The following NCOR2 variants were observed in gnomAD, a reference collection of about 807,000 sequenced individuals.
NCOR2 encodes the protein CTG repeat protein 26.
NCOR2 carries 81 observed loss-of-function variants against 262.9 expected under a neutral mutation model. The observed-to-expected ratio is 0.31, with a 90% confidence interval of 0.26 to 0.37. The LOEUF (loss-of-function observed/expected upper bound fraction) is 0.37. Among genes scored for constraint, NCOR2 ranks in the 10% least tolerant of loss-of-function variants. The pLI, the probability that NCOR2 is intolerant of heterozygous loss-of-function variation, is 1.00. For synonymous variants in NCOR2, 1,659 were observed against 1,559.3 expected (o/e 1.06, Z -1.51); for missense variants, 3,385 against 3,621.4 (o/e 0.93, Z 1.68).
rs2044764056 is a variant in NCOR2, at chr12:124,440,884, A to G, written c.816-2888T>C. Among the ~76,000 whole-genome samples, 1 of 152,202 alleles carries G rather than the reference A, an allele frequency of 6.6e-6. No individual in the cohort carries two copies. Among genetic ancestry groups the G allele is most frequent in the South Asian group, 2.1e-4 (1 of 4,826 alleles). ...GAAGATCCAGAAGGAAGGGAACTCC[A>G]GCTGGAGGGCACCGCAGGAGACAGG... On this transcript the variant is annotated intron_variant, in intron 7 of 46. Transcript: ENST00000405201. This position sits in a 1 kb window ranked among gnomAD's most constrained non-coding sequence, Gnocchi z 5.7.
In NCOR2 at chr12:124,468,654, ACCCTCATCCTTATCACCC is replaced by A. The variant is rs1321650044; in HGVS notation, c.592-2386_592-2369del. The stretch of plus-strand genomic sequence containing the variant: ...CACCCTCTTCACCCTCATCCTCATC[ACCCTCATCCTTATCACCC>A]CCCTCATCCTCATCACCCCCCTCAT... On this transcript the variant is annotated intron_variant, in intron 4 of 46. Transcript: ENST00000405201. 1.8e-3 allele frequency among the ~76,000 whole-genome samples: 37 copies of A among 20,494 alleles called. 8 individuals are homozygous for A. Among genetic ancestry groups the A allele is most frequent in the Non-Finnish European group, 2.8e-3 (32 of 11,242 alleles). The allele number at this position is 20,494 out of a possible 152,430, so 13.4% of individuals were successfully genotyped here.
At chr12:124,487,579 G>A (rs1262180018) in intron 1 of NCOR2, among the ~76,000 whole-genome samples, 1 of 152,170 alleles carries the variant, frequency 6.6e-6, no homozygotes, top group African/African-American at 2.4e-5. Context: ...ACCCTCAAGC[G>A]CTCCTCTTAG....
intron 1 of NCOR2, among the ~76,000 whole-genome samples, chr12:124,512,778 G>A (rs1056845723): frequency 7.9e-5 from 12 of 152,216 alleles, no homozygotes; most frequent in Non-Finnish European, 8.8e-5. Context: ...CTTTCCGAGT[G>A]GCCCCAACAC....
chr12:124,540,018 A>C (rs974572149), upstream of NCOR2, among the ~76,000 whole-genome samples: 4 of 152,046 alleles, frequency 2.6e-5, no homozygotes, highest in Non-Finnish European at 4.4e-5. Flanking sequence ...TCAGCTGCTC[A>C]ACAAACAGAG....
At chr12:124,477,164 A>G (rs1347997446) in intron 3 of NCOR2, among the ~76,000 whole-genome samples, 1 of 152,206 alleles carries the variant, frequency 6.6e-6, no homozygotes, top group Non-Finnish European at 1.5e-5. Flanking sequence ...TGTAGTTCCC[A>G]TAATTCCCAC....
At chr12:124,402,448 CTCCTTCTCCGCCTCCTTT>C in exon 14 of NCOR2, 1 of 1,613,760 alleles carries the variant, frequency 6.2e-7, no homozygotes, top group Non-Finnish European at 8.5e-7. Context: ...GCTTCTCCTC[CTCCTTCTCCGCCTCCTTT>C]TCCTTCTCCT....
exon 20 of NCOR2, chr12:124,372,296 G>T (rs1465740220): frequency 1.3e-6 from 2 of 1,537,402 alleles, no homozygotes; most frequent in South Asian, 1.3e-5. Context: ...GCCGCGGGGG[G>T]CTTCTGCTCC....
At chr12:124,386,359 C>A (rs1348917963) in intron 16 of NCOR2, among the ~76,000 whole-genome samples, 1 of 152,012 alleles carries the variant, frequency 6.6e-6, no homozygotes, top group Non-Finnish European at 1.5e-5. Context: ...TTTCCGGCCA[C>A]ACCGGCCCAG....
rs752073140 is a variant in NCOR2 at position 124,334,417 on chromosome 12, C to T, written c.6605+7G>A. On this transcript the variant is annotated splice_region_variant and intron_variant, in intron 41 of 46. Transcript: ENST00000405201. Reference sequence around the variant, plus strand: ...ACCAGCAAGAGGCACCCCCATCCCTCGCTCACCTCTTGCCCCCTTCGCTGT... The same window carrying T: ...ACCAGCAAGAGGCACCCCCATCCCTTGCTCACCTCTTGCCCCCTTCGCTGT... 1.2e-5 allele frequency: 18 copies of T among 1,523,422 alleles called. No individual in the cohort carries two copies. Among genetic ancestry groups the T allele is most frequent in the East Asian group, 8.0e-5 (3 of 37,338 alleles). The allele number at this position is 1,523,422 out of a possible 1,614,324, so 94.4% of individuals were successfully genotyped here.
At chr12:124,423,193 T>C (rs1376328201) in intron 11 of NCOR2, among the ~76,000 whole-genome samples, 1 of 151,740 alleles carries the variant, frequency 6.6e-6, no homozygotes, top group Non-Finnish European at 1.5e-5. Context: ...CAGGCTGAAA[T>C]GTGAGGGCCA....
At chr12:124,431,660 A>G (rs2043946238) in intron 8 of NCOR2, among the ~76,000 whole-genome samples, 5 of 151,136 alleles carry the variant, frequency 3.3e-5, no homozygotes, top group Non-Finnish European at 7.4e-5. Context: ...GGCACACACA[A>G]GTCACACAGG....
chr12:124,416,576 G>T (rs970700963), intron 13 of NCOR2, among the ~76,000 whole-genome samples: 1 of 142,178 alleles, frequency 7.0e-6, no homozygotes, highest in Admixed American at 7.0e-5. Flanking sequence ...TAGACCCCGC[G>T]GCACAGGGAG....
chr12:124,340,180 C>CTGCTGCCGT (rs763792604), exon 37 of NCOR2: 2 of 1,607,126 alleles, frequency 1.2e-6, no homozygotes. Flanking sequence ...ACCCCCGCCG[C>CTGCTGCCGT]TGCTGCCGCT....
chr12:124,403,460 G>A (rs2042094340), intron 13 of NCOR2, among the ~76,000 whole-genome samples: 2 of 151,546 alleles, frequency 1.3e-5, no homozygotes, highest in African/African-American at 4.9e-5. Flanking sequence ...GCTCCTCCTG[G>A]CACCGCCTCC....
At chr12:124,499,410 C>T (rs2048563515), upstream of NCOR2, among the ~76,000 whole-genome samples, 1 of 152,262 alleles carries the variant, frequency 6.6e-6, no homozygotes, top group Non-Finnish European at 1.5e-5. Context: ...CCAGCGGGGT[C>T]CAGGCCCTGG....
At chr12:124,415,379 T>C (rs2042803447) in intron 13 of NCOR2, among the ~76,000 whole-genome samples, 1 of 152,234 alleles carries the variant, frequency 6.6e-6, no homozygotes, top group Non-Finnish European at 1.5e-5. Flanking sequence ...TCACTGCATC[T>C]CCACTTAACA....
intron 4 of NCOR2, among the ~76,000 whole-genome samples, chr12:124,467,665 C>T (rs1176642513): frequency 7.8e-6 from 1 of 128,450 alleles, no homozygotes; most frequent in African/African-American, 3.0e-5. Flanking sequence ...TTCATCACCC[C>T]ATCACCCTTA....
intron 1 of NCOR2, among the ~76,000 whole-genome samples, chr12:124,488,871 C>T (rs569903886): frequency 1.2e-4 from 18 of 152,182 alleles, no homozygotes; most frequent in South Asian, 6.2e-4. Context: ...GGAGGAGGCC[C>T]GAAGTGGGGG....
chr12:124,397,853 C>A (rs1437912546), intron 16 of NCOR2, among the ~76,000 whole-genome samples: 1 of 152,248 alleles, frequency 6.6e-6, no homozygotes, highest in African/African-American at 2.4e-5. Context: ...TGACTACATG[C>A]ACAGCACAAG....
Sources: gnomAD v4.1 joint callset for allele counts (sites outside exome capture counted in the v4.1 genomes callset) on GRCh38, gnomAD v4.1.1 for gene constraint, Gnocchi (gnomAD v3.1) non-coding constraint, MANE v1.5 for transcripts, NCBI Gene and HGNC (gene_info 2026-07-23, HGNC 2026-07-21) for gene names.